Variants in CLASP1 observed in about 807,000 individuals in gnomAD.
The protein encoded by CLASP1 is cytoplasmic linker associated protein 1.
CLASP1 carries 38 observed loss-of-function variants against 192.3 expected under a neutral mutation model. The observed-to-expected ratio is 0.20, with a 90% CI of 0.15 to 0.26. The LOEUF is 0.26. CLASP1 is among the 10% of genes least tolerant of loss of function. CLASP1 has a pLI of 1.00. For missense variants in CLASP1, 1,433 were observed against 1,932.5 expected (o/e 0.74, Z 4.85); for synonymous variants, 691 against 712.8 (o/e 0.97, Z 0.49).
intron 7 of CLASP1, among the ~76,000 whole-genome samples, chr2:121,514,848 G>C (rs1452900418): frequency 6.6e-6 from 1 of 152,176 alleles, no homozygotes; most frequent in Non-Finnish European, 1.5e-5. Flanking sequence ...AGAAGAACAG[G>C]GTTTTGAACT....
chr2:121,473,299 CAT>C (rs1310830889), intron 8 of CLASP1, among the ~76,000 whole-genome samples: 1 of 151,846 alleles, frequency 6.6e-6, no homozygotes, highest in Non-Finnish European at 1.5e-5. Flanking sequence ...TTTAAGAAAA[CAT>C]AATATCTGAA....
chr2:121,341,688 G>C (rs2062805367), intron 39 of CLASP1, among the ~76,000 whole-genome samples: 1 of 152,158 alleles, frequency 6.6e-6, no homozygotes, highest in Non-Finnish European at 1.5e-5. Flanking sequence ...CTGGAGATAA[G>C]ACTTCGATAC....
intron 2 of CLASP1, among the ~76,000 whole-genome samples, chr2:121,582,765 TTTTC>T (rs140976857): frequency 0.038 from 5,779 of 151,724 alleles, 152 homozygotes; most frequent in East Asian, 0.14. Flanking sequence ...GGTGTTTTTC[TTTTC>T]TTTCTTTCTT....
intron 36 of CLASP1, chr2:121,364,743 C>G: frequency 4.0e-6 from 1 of 249,264 alleles, no homozygotes; most frequent in Non-Finnish European, 7.9e-6. Context: ...ACATATGAAA[C>G]AAAAATGAAA....
At chr2:121,439,284 GATTC>G (rs1357585957) in intron 19 of CLASP1, among the ~76,000 whole-genome samples, 1 of 152,076 alleles carries the variant, frequency 6.6e-6, no homozygotes, top group Non-Finnish European at 1.5e-5. Context: ...CCAGCTCCTG[GATTC>G]ATTAATTTTT....
chr2:121,532,935 T>C (rs2094936116), intron 2 of CLASP1, among the ~76,000 whole-genome samples: 1 of 152,194 alleles, frequency 6.6e-6, no homozygotes, highest in Non-Finnish European at 1.5e-5. Context: ...TTTTGTCTGG[T>C]GAAATCTTAA....
At chr2:121,575,858 GCT>G (rs2060466815) in intron 2 of CLASP1, among the ~76,000 whole-genome samples, 1 of 152,174 alleles carries the variant, frequency 6.6e-6, no homozygotes, top group African/African-American at 2.4e-5. Context: ...CTGTTACAGG[GCT>G]TCACATTATG....
intron 31 of CLASP1, among the ~76,000 whole-genome samples, chr2:121,387,446 G>A (rs1001265441): frequency 2.6e-5 from 4 of 151,964 alleles, no homozygotes; most frequent in Non-Finnish European, 4.4e-5. Flanking sequence ...GATTGATGTT[G>A]GGTGTGCTAG....
chr2:121,590,417 A>G (rs1431182865), intron 2 of CLASP1, among the ~76,000 whole-genome samples: 2 of 152,240 alleles, frequency 1.3e-5, no homozygotes, highest in Non-Finnish European at 2.9e-5. Context: ...ATAGAAGAGA[A>G]TATTACATTA....
At chr2:121,466,583 A>G (rs1031326566) in intron 9 of CLASP1, among the ~76,000 whole-genome samples, 3 of 152,212 alleles carry the variant, frequency 2.0e-5, no homozygotes, top group Non-Finnish European at 2.9e-5. Context: ...TGGTTCTAAG[A>G]GCAGCACCTA....
At chr2:121,552,747 G>C (rs1378384412) in intron 2 of CLASP1, among the ~76,000 whole-genome samples, 3 of 152,338 alleles carry the variant, frequency 2.0e-5, no homozygotes, top group East Asian at 3.9e-4. Context: ...TGGTGGGAGT[G>C]TAAATTAGTT....
At chr2:121,581,260 CTTTTTTTTTTTTTT>C (rs60345742) in intron 2 of CLASP1, among the ~76,000 whole-genome samples, 5 of 57,680 alleles carry the variant, frequency 8.7e-5, no homozygotes, top group Admixed American at 2.5e-4. Context: ...GCCTTTTGTT[CTTTTTTTTTTTTTT>C]TTTTTTTTTT....
intron 37 of CLASP1, among the ~76,000 whole-genome samples, chr2:121,352,636 A>C (rs1167196821): frequency 6.6e-6 from 1 of 152,180 alleles, no homozygotes; most frequent in Non-Finnish European, 1.5e-5. Context: ...TTTTTTAATA[A>C]AAACTCCTAA....
At chr2:121,482,597 A>C (rs889116294) in intron 8 of CLASP1, among the ~76,000 whole-genome samples, 1 of 152,184 alleles carries the variant, frequency 6.6e-6, no homozygotes, top group Non-Finnish European at 1.5e-5. Context: ...TTTAATATCC[A>C]GAGTACCAAA....
exon 40 of CLASP1, chr2:121,340,436 A>C (rs1313326255): frequency 6.0e-6 from 1 of 165,546 alleles, no homozygotes; most frequent in African/African-American, 2.4e-5. Flanking sequence ...CATACGCACA[A>C]GAAAATAGGC....
At chr2:121,422,680 C>T (rs909721002) in intron 22 of CLASP1, among the ~76,000 whole-genome samples, 2 of 152,046 alleles carry the variant, frequency 1.3e-5, no homozygotes, top group African/African-American at 4.8e-5. Flanking sequence ...GAATTACAGG[C>T]TGTTCTGCTT....
chr2:121,380,846 A>T (rs547735904), intron 33 of CLASP1, among the ~76,000 whole-genome samples: 1 of 152,300 alleles, frequency 6.6e-6, no homozygotes, highest in East Asian at 1.9e-4. Flanking sequence ...TTAATGAGTT[A>T]GGTCAATATG....
chr2:121,547,362 G>A (rs1234181842), intron 2 of CLASP1, among the ~76,000 whole-genome samples: 5 of 152,234 alleles, frequency 3.3e-5, no homozygotes, highest in Non-Finnish European at 7.4e-5. Flanking sequence ...ACAAGGAGGG[G>A]AGGCTAGTCC....
Position 121,418,625 on chromosome 2 carries a change from G to A in CLASP1, c.2317C>T (p.Leu773Phe), listed in dbSNP as rs765875396. 1.9e-6 allele frequency: 3 copies of A among 1,612,062 alleles called. No homozygotes were observed. In the African/African-American group the frequency reaches 4.0e-5, roughly 22 times the overall value. Reference sequence around the variant, plus strand: ...GCCAGCACCTACGTGTACTCACCAAGTGGAGGAAAGCCCCGAGCAGGGCTT... The same window carrying A: ...GCCAGCACCTACGTGTACTCACCAAATGGAGGAAAGCCCCGAGCAGGGCTT... The change falls in exon 23 of 40, where the codon CTT (leucine) becomes TTT (phenylalanine). Residue 773 changes from leucine to phenylalanine, a missense_variant. By Grantham distance (22) the Leu-to-Phe change is conservative. Transcript: ENST00000263710.
Sources: gnomAD v4.1 joint callset for allele counts (sites outside exome capture counted in the v4.1 genomes callset) on GRCh38, gnomAD v4.1.1 for gene constraint, MANE v1.5 for transcripts, NCBI Gene and HGNC (gene_info 2026-07-23, HGNC 2026-07-21) for gene names.